The following CCP110 variants were observed in gnomAD, a reference collection of about 807,000 sequenced individuals.
CCP110 encodes the protein centriolar coiled-coil protein of 110 kDa.
A neutral mutation model predicts 105.5 loss-of-function variants in CCP110; 43 were observed. The ratio of observed to expected loss-of-function variants is 0.41; its 90% CI spans 0.32 to 0.53. The LOEUF is 0.53. Among genes scored for constraint, CCP110 ranks in the 20% least tolerant of loss-of-function variants. The pLI, the probability that CCP110 is intolerant of heterozygous loss-of-function variation, is 0.32. For synonymous variants in CCP110, 353 were observed against 392.1 expected (o/e 0.90, Z 1.18); for missense variants, 1,016 against 1,189.1 (o/e 0.85, Z 2.14).
chr16:19,524,930 T>C (rs1331035552), intron 1 of CCP110: 4 of 152,216 alleles, frequency 2.6e-5, no homozygotes, highest in African/African-American at 9.7e-5. Context: ...ACTACGTTAA[T>C]TGCCCTACAT....
rs201698330 is a variant in CCP110, at chr16:19,551,189, T to C, written c.2987-7T>C. 73 of 1,596,662 alleles carry C rather than the reference T, an allele frequency of 4.6e-5. No individual in the cohort carries two copies. The African/African-American group carries it at 7.4e-4, about 16-fold the overall frequency. On this transcript the variant is annotated splice_region_variant and splice_polypyrimidine_tract_variant and intron_variant, in intron 14 of 14. Transcript: ENST00000381396. ...GAGAAGTAATACTGGTTTTGCTCTA[T>C]TTTTAGGAGTATATGCAGGAAAAAT...
chr16:19,534,872 CTTTTTTTTTTT>C (rs35522152), intron 3 of CCP110, among the ~76,000 whole-genome samples: 6 of 100,536 alleles, frequency 6.0e-5, no homozygotes, highest in South Asian at 2.9e-4. Context: ...AATATTCAGA[CTTTTTTTTTTT>C]TTTTTTTTTT....
intron 14 of CCP110, among the ~76,000 whole-genome samples, chr16:19,550,730 A>G (rs1472326196): frequency 6.6e-6 from 1 of 152,238 alleles, no homozygotes; most frequent in Non-Finnish European, 1.5e-5. Flanking sequence ...CTAAAATGTT[A>G]AAGTATGCTG....
In CCP110 at chr16:19,542,053, CA is replaced by C; in HGVS notation, c.2219del (p.Asn740IlefsTer32). ...GCGGACTCACTCCATACTTCAAATT[CA>C]AATAGTTCTGGTAAATATTTAAAAA... On this transcript the variant is annotated frameshift_variant, in exon 6 of 15. Coordinates refer to ENST00000381396, the Ensembl canonical transcript of CCP110. LOFTEE classifies it high-confidence loss of function. 1 of 1,569,456 alleles carries C rather than the reference CA, an allele frequency of 6.4e-7. No individual in the cohort carries two copies. Among genetic ancestry groups the C allele is most frequent in the Non-Finnish European group, 8.6e-7 (1 of 1,164,692 alleles).
intron 3 of CCP110, among the ~76,000 whole-genome samples, chr16:19,535,027 C>A (rs1970002432): frequency 6.6e-6 from 1 of 151,910 alleles, no homozygotes; most frequent in African/African-American, 2.4e-5. Flanking sequence ...ACTACAGGTG[C>A]CCACCACCAA....
chr16:19,539,227 C>T (rs1178486658), intron 4 of CCP110, among the ~76,000 whole-genome samples: 1 of 151,974 alleles, frequency 6.6e-6, no homozygotes, highest in South Asian at 2.1e-4. Flanking sequence ...CCTTCATTAC[C>T]CCTTACTTTG....
At chr16:19,527,389 A>C (rs746824107) in intron 1 of CCP110, among the ~76,000 whole-genome samples, 2 of 151,736 alleles carry the variant, frequency 1.3e-5, no homozygotes, top group Admixed American at 6.6e-5. Flanking sequence ...AAGATATGAG[A>C]GTAACCTCTG....
At chr16:19,550,741 C>T (rs1184637155) in intron 14 of CCP110, among the ~76,000 whole-genome samples, 1 of 152,196 alleles carries the variant, frequency 6.6e-6, no homozygotes, top group Non-Finnish European at 1.5e-5. Flanking sequence ...AAGTATGCTG[C>T]AAAGCATTTA....
At chr16:19,550,228 T>G (rs1333797328) in intron 14 of CCP110, among the ~76,000 whole-genome samples, 1 of 151,926 alleles carries the variant, frequency 6.6e-6, no homozygotes, top group African/African-American at 2.4e-5. Context: ...CTTGGCTCAC[T>G]GCAATCTCCA....
intron 1 of CCP110, chr16:19,526,445 A>G (rs566512748): frequency 4.6e-5 from 7 of 152,332 alleles, no homozygotes; most frequent in African/African-American, 1.4e-4. Flanking sequence ...GCTATGCCTT[A>G]AGGTGTTTTA....
At chr16:19,530,863 A>G (rs529673600) in intron 2 of CCP110, among the ~76,000 whole-genome samples, 6 of 152,212 alleles carry the variant, frequency 3.9e-5, no homozygotes, top group Admixed American at 3.9e-4. Flanking sequence ...CCGAGGCAGG[A>G]GAATCGCTTG....
intron 10 of CCP110, 151 bp from the exon 11 acceptor site, chr16:19,545,666 C>G: frequency 1.7e-6 from 1 of 582,844 alleles, no homozygotes. Context: ...TAGAATTAGA[C>G]TGCTTCAAAA....
In CCP110 at chr16:19,548,044, C is replaced by T. The variant is rs781052807; in HGVS notation, c.2900+30C>T. The T allele has an allele frequency of 1.5e-5, 22 of 1,428,180 alleles. No individual in the cohort carries two copies. Among genetic ancestry groups the T allele is most frequent in the Non-Finnish European group, 1.9e-5 (19 of 1,013,240 alleles). The allele number at this position is 1,428,180 out of a possible 1,614,324, so 88.5% of individuals were successfully genotyped here. ...GAATGCCACACACGGGTATTGAAAA[C>T]TACGGAAACCAAGATTAGATTTGAG... is the stretch of plus-strand genomic sequence containing the variant. On this transcript the variant is annotated intron_variant, in intron 13 of 14. Coordinates refer to ENST00000381396, the Ensembl canonical transcript of CCP110. The surrounding 1 kb of genome is among the most constrained non-coding windows in gnomAD (Gnocchi z 4.1).
exon 15 of CCP110, chr16:19,551,511 AT>A: frequency 2.2e-6 from 1 of 449,172 alleles, no homozygotes; most frequent in South Asian, 3.2e-5. Context: ...ACATAAGTTT[AT>A]TTTATATGCC....
At chr16:19,541,937 G>A (rs201715206) in exon 6 of CCP110, 38 of 1,605,354 alleles carry the variant, frequency 2.4e-5, no homozygotes, top group South Asian at 1.0e-4. Flanking sequence ...CAATGACAGC[G>A]GAAGCCTCTG....
intron 4 of CCP110, 125 bp from the exon 5 acceptor site, chr16:19,540,532 C>A: frequency 1.3e-6 from 1 of 777,182 alleles, no homozygotes; most frequent in Non-Finnish European, 2.1e-6. Context: ...CCAGCTATAT[C>A]TTGATTGTAT....
intron 2 of CCP110, among the ~76,000 whole-genome samples, chr16:19,528,271 A>T (rs1400110671): frequency 1.3e-5 from 2 of 152,172 alleles, no homozygotes; most frequent in African/African-American, 4.8e-5. Context: ...AGTTTATTTT[A>T]TTTCTAGATG....
Position 19,537,057 on chromosome 16 carries a change from A to G in CCP110, c.1388A>G (p.Gln463Arg). The G allele has an allele frequency of 6.2e-7, 1 of 1,614,216 alleles. No individual in the cohort carries two copies. Residue 463 changes from glutamine (Q) to arginine (R), a missense_variant, in exon 4 of 15, where the codon CAA becomes CGA. By Grantham distance (43) the Gln-to-Arg change is conservative. Transcript: ENST00000381396. The stretch of plus-strand genomic sequence containing the variant: ...TTAGGTAAATCAAATCAGGTATGTC[A>G]ATCTTCAGGAAATCATTTAGAAAAT...
chr16:19,533,088 CAT>C (rs1214562659), intron 3 of CCP110, among the ~76,000 whole-genome samples: 1 of 152,208 alleles, frequency 6.6e-6, no homozygotes, highest in Non-Finnish European at 1.5e-5. Context: ...TTTGTTCTGA[CAT>C]GTGGATCATT....
Sources: allele counts gnomAD v4.1 joint callset (sites outside exome capture counted in the v4.1 genomes callset), GRCh38; gene constraint gnomAD v4.1.1; non-coding constraint Gnocchi (gnomAD v3.1); transcripts MANE v1.5; gene names NCBI Gene and HGNC (gene_info 2026-07-23, HGNC 2026-07-21).